The following SNRPC variants were observed in gnomAD, a reference collection of about 807,000 sequenced individuals.
The protein encoded by SNRPC is U1 small nuclear ribonucleoprotein C.
A neutral mutation model predicts 20.0 loss-of-function variants in SNRPC; 5 were observed. The observed-to-expected ratio is 0.25, with a 90% CI of 0.13 to 0.53. The LOEUF is 0.53. Ranked by LOEUF, SNRPC falls within the 20% of genes least tolerant of loss-of-function variation. The probability of loss-of-function intolerance (pLI) is 0.96; values close to 1 mark genes in which losing one functional copy is unlikely to be tolerated. For synonymous variants in SNRPC, 61 were observed against 58.7 expected, an observed-to-expected ratio of 1.04 and a Z score of -0.18; for missense variants, 112 against 224.1, an observed-to-expected ratio of 0.50 and a Z score of 3.19.
intron 5 of SNRPC, among the ~76,000 whole-genome samples, chr6:34,770,664 G>A (rs1053160929): frequency 2.0e-4 from 30 of 152,328 alleles, no homozygotes; most frequent in Admixed American, 9.8e-4. Flanking sequence ...CAGTGACCTC[G>A]TGCTACTAAA....
chr6:34,757,806 T>C, intron 1 of SNRPC, 106 bp from the exon 2 acceptor site: 1 of 1,604,540 alleles, frequency 6.2e-7, no homozygotes. Context: ...CGGTCTGGCT[T>C]TTTGTTTTGT....
intron 1 of SNRPC, 30 bp downstream of exon 1, chr6:34,757,581 T>G (rs1308201564): frequency 6.2e-7 from 1 of 1,608,116 alleles, no homozygotes; most frequent in African/African-American, 1.3e-5. Flanking sequence ...CTGAGGGTGA[T>G]CGTAGTCACT....
At chr6:34,760,175 C>T (rs1246325092) in intron 2 of SNRPC, among the ~76,000 whole-genome samples, 5 of 145,112 alleles carry the variant, frequency 3.4e-5, no homozygotes, top group South Asian at 2.2e-4. Flanking sequence ...TGCAATGGCG[C>T]GATCTTGTTT....
intron 5 of SNRPC, among the ~76,000 whole-genome samples, chr6:34,771,243 C>T (rs555123422): frequency 2.4e-4 from 36 of 150,480 alleles, no homozygotes; most frequent in Non-Finnish European, 2.5e-4. Context: ...GCAGGAGAAT[C>T]ACTTGAACCC....
chr6:34,767,838 G>A, intron 3 of SNRPC, 70 bp from the exon 4 acceptor site: 1 of 1,454,784 alleles, frequency 6.9e-7, no homozygotes, highest in East Asian at 2.4e-5. Context: ...AAAGAAAGTG[G>A]TTATTTTAGT....
chr6:34,773,689 C>CTA lies in SNRPC; in HGVS notation c.*121_*122dup. 1 of 815,332 alleles carries CTA rather than the reference C, an allele frequency of 1.2e-6. No homozygotes were observed. The allele number at this position is 815,332 out of a possible 1,614,324, so 50.5% of individuals were successfully genotyped here. A position where few individuals can be genotyped will look rare whatever the true frequency, so the allele number is the denominator to read the frequency against. On this transcript the variant is annotated 3_prime_UTR_variant, in exon 6 of 6. Transcript: ENST00000244520. This position sits in a 1 kb window ranked among gnomAD's most constrained non-coding sequence, Gnocchi z 4.1. ...CATAAGGAAGACTTGCTCCCCTGTC[C>CTA]TATGAAAGAGAATAGTTTTGGAGGG...
rs538710609 is a variant in SNRPC, at chr6:34,759,169, C to G, written c.51+1215C>G. On this transcript the variant is annotated intron_variant, in intron 2 of 5. Coordinates refer to ENST00000244520, the MANE Select transcript of SNRPC (RefSeq NM_003093.3). The stretch of plus-strand genomic sequence containing the variant: ...AAATTCTGATTTTTGCTTAATAGCT[C>G]AAATTCTATCATTGGCAATACTTTC... Among the ~76,000 whole-genome samples the G allele has an allele frequency of 4.6e-5, 7 of 152,238 alleles. No individual in the cohort carries two copies. The East Asian group carries it at 1.3e-3, about 29-fold the overall frequency.
chr6:34,767,811 G>T, intron 3 of SNRPC, 97 bp from the exon 4 acceptor site: 1 of 1,215,496 alleles, frequency 8.2e-7, no homozygotes, highest in Non-Finnish European at 1.1e-6. Flanking sequence ...TAAAGTAATT[G>T]GAACCGTTGA....
intron 2 of SNRPC, 65 bp downstream of exon 2, chr6:34,758,019 T>G (rs965303570): frequency 9.8e-6 from 15 of 1,526,636 alleles, no homozygotes; most frequent in South Asian, 4.8e-5. Context: ...GAGTTTTGTG[T>G]TTTTTTTAAG....
At chr6:34,759,416 A>C (rs1764504433) in intron 2 of SNRPC, among the ~76,000 whole-genome samples, 1 of 152,262 alleles carries the variant, frequency 6.6e-6, no homozygotes, top group African/African-American at 2.4e-5. Context: ...AGAGCTCACA[A>C]TTTGAACAAT....
chr6:34,768,009 CT>C lies in SNRPC; in HGVS notation c.250+16del, dbSNP rs775409191. On this transcript the variant is annotated intron_variant, in intron 4 of 5. Coordinates refer to ENST00000244520, the MANE Select transcript of SNRPC (RefSeq NM_003093.3). ...TCCCCCCAGCCTTCGTAAGTTTAAA[CT>C]TTTAATCTTAAGGGGTGTGACGGGG... is the stretch of plus-strand genomic sequence containing the variant. 7 of 1,605,970 alleles carry C rather than the reference CT, an allele frequency of 4.4e-6. No individual in the cohort carries two copies. Among genetic ancestry groups the C allele is most frequent in the Non-Finnish European group, 5.9e-6 (7 of 1,177,072 alleles).
At chr6:34,758,059 G>A (rs1404851306) in intron 2 of SNRPC, 105 bp downstream of exon 2, 4 of 1,210,164 alleles carry the variant, frequency 3.3e-6, no homozygotes, top group Non-Finnish European at 4.7e-6. Flanking sequence ...ACCTGCTGAG[G>A]TTTAAGGTCT....
intron 2 of SNRPC, 55 bp downstream of exon 2, chr6:34,758,009 G>A: frequency 6.4e-7 from 1 of 1,561,696 alleles, no homozygotes; most frequent in Non-Finnish European, 8.6e-7. Flanking sequence ...ATAATTAAAT[G>A]AGTTTTGTGT....
intron 3 of SNRPC, among the ~76,000 whole-genome samples, chr6:34,765,417 A>T (rs1425683797): frequency 2.7e-5 from 4 of 150,938 alleles, no homozygotes; most frequent in East Asian, 2.0e-4. Flanking sequence ...TTTATCTTAT[A>T]TATTTATTTA....
chr6:34,762,723 TCTG>T lies in SNRPC; in HGVS notation c.160+24_160+26del, dbSNP rs769786690. 2 of 1,256,552 alleles carry T rather than the reference TCTG, an allele frequency of 1.6e-6. No homozygotes were observed. Among genetic ancestry groups the T allele is most frequent in the Admixed American group, 3.4e-5 (2 of 58,796 alleles). The allele number at this position is 1,256,552 out of a possible 1,614,324, so 77.8% of individuals were successfully genotyped here. A position where few individuals can be genotyped will look rare whatever the true frequency, so the allele number is the denominator to read the frequency against. On this transcript the variant is annotated intron_variant, in intron 3 of 5. Transcript: ENST00000244520. ...AAACAAGTATGTTTCAATCTCTTGT[TCTG>T]CTGTGGTAAAATGGTCCTATTCTTT...
intron 2 of SNRPC, among the ~76,000 whole-genome samples, chr6:34,761,085 T>A (rs902117259): frequency 9.9e-5 from 15 of 151,606 alleles, no homozygotes; most frequent in Non-Finnish European, 2.1e-4. Context: ...AAAAGAAATG[T>A]GTAAAAACAT....
rs191167270 is a variant in SNRPC, at chr6:34,760,562, T to C, written c.52-2033T>C. Among the ~76,000 whole-genome samples, 88 of 152,274 alleles carry C rather than the reference T, an allele frequency of 5.8e-4. 3 individuals are homozygous for C. The East Asian group carries it at 0.016, about 28-fold the overall frequency. On this transcript the variant is annotated intron_variant, in intron 2 of 5. Coordinates refer to ENST00000244520, the MANE Select transcript of SNRPC (RefSeq NM_003093.3). ...GTGCCTTTCTGCCCTTTTTTGGCAT[T>C]ATAGTTTAATATACCTATTATTCAC... is the stretch of plus-strand genomic sequence containing the variant.
rs372055030 is a variant in SNRPC, at chr6:34,773,453, A to C, written c.363A>C (p.Gly121=). The C allele has an allele frequency of 3.1e-6, 5 of 1,613,642 alleles. No homozygotes were observed. The African/African-American group carries it at 5.3e-5, about 17-fold the overall frequency. The part of the protein sequence containing the change: ...PGMMPVGPAP[G]MRPPMGGHMP... ...CTTTGTTTTGTCCTGCAGCTCCTGG[A>C]ATGAGGCCGCCCATGGGAGGCCATA... Residue 121 remains glycine (G), a synonymous_variant, in exon 6 of 6, where the codon GGA becomes GGC. Coordinates refer to ENST00000244520, the MANE Select transcript of SNRPC (RefSeq NM_003093.3). The surrounding 1 kb of genome is among the most constrained non-coding windows in gnomAD (Gnocchi z 4.1).
chr6:34,768,071 G>A (rs1209307241), intron 4 of SNRPC, 74 bp downstream of exon 4: 14 of 1,369,708 alleles, frequency 1.0e-5, no homozygotes, highest in South Asian at 5.4e-5. Flanking sequence ...TTATCTCACC[G>A]TTGGCTTTCA....
Sources: allele counts gnomAD v4.1 joint callset (sites outside exome capture counted in the v4.1 genomes callset), GRCh38; gene constraint gnomAD v4.1.1; non-coding constraint Gnocchi (gnomAD v3.1); transcripts MANE v1.5; gene names NCBI Gene and HGNC (gene_info 2026-07-23, HGNC 2026-07-21).